Variants in SORBS2 observed in about 807,000 individuals in gnomAD.
SORBS2 encodes the protein sorbin and SH3 domain containing 2, also known as sorbin and SH3 domain-containing protein 2.
In SORBS2, 46 loss-of-function variants were observed where a neutral mutation model predicts 97.7. The ratio of observed to expected loss-of-function variants is 0.47; its 90% CI spans 0.37 to 0.60. SORBS2 has a LOEUF of 0.60. SORBS2 is among the 20% of genes least tolerant of loss of function. The pLI is 0.00. For synonymous variants in SORBS2, 476 were observed against 473.4 expected (o/e 1.01, Z -0.07); for missense variants, 1,316 against 1,282.3 (o/e 1.03, Z -0.40).
chr4:185,639,019 G>C, intron 4 of SORBS2: 2 of 1,517,344 alleles, frequency 1.3e-6, no homozygotes, highest in Non-Finnish European at 1.8e-6. Context: ...AGGTGTCGGA[G>C]TTGTTGGGAG....
At chr4:185,714,907 C>T (rs2153552806) in intron 2 of SORBS2, among the ~76,000 whole-genome samples, 1 of 152,290 alleles carries the variant, frequency 6.6e-6, no homozygotes, top group East Asian at 1.9e-4. Flanking sequence ...AACAGGCATG[C>T]TACCTAAACC....
chr4:185,635,425 C>T lies in SORBS2; in HGVS notation c.397-4827G>A, dbSNP rs200743379. ...CTTTTTAGGAGGCTGGGTGTAGACG[C>T]ACCACAGAAGCAGAAGTGTAGGGAT... is the stretch of plus-strand genomic sequence containing the variant. On this transcript the variant is annotated intron_variant, in intron 4 of 14. Transcript: ENST00000418609. 1.5e-5 allele frequency: 24 copies of T among 1,607,150 alleles called. No individual in the cohort carries two copies. Among genetic ancestry groups the T allele is most frequent in the African/African-American group, 1.3e-5 (1 of 74,698 alleles).
Position 185,627,373 on chromosome 4 carries a change from C to T in SORBS2, c.447-354G>A, listed in dbSNP as rs531305748. Among the ~76,000 whole-genome samples the T allele has an allele frequency of 2.0e-5, 3 of 152,086 alleles. No individual in the cohort carries two copies. In the East Asian group the frequency reaches 5.8e-4, roughly 29 times the overall value. ...CACAGGTGGGTGCCACCTCACCTGGCTAATTTTTTTAAATTTGTTATTTAT... is the reference window on the plus strand; with the variant it reads ...CACAGGTGGGTGCCACCTCACCTGGTTAATTTTTTTAAATTTGTTATTTAT... On this transcript the variant is annotated intron_variant, in intron 5 of 14. Transcript: ENST00000418609.
chr4:185,750,493 A>T (rs903623025), intron 2 of SORBS2, among the ~76,000 whole-genome samples: 1 of 152,194 alleles, frequency 6.6e-6, no homozygotes, highest in African/African-American at 2.4e-5. Context: ...ATTATTACAC[A>T]TGCTGTTCCA....
intron 1 of SORBS2, among the ~76,000 whole-genome samples, chr4:185,945,428 G>A (rs2150011352): frequency 6.6e-6 from 1 of 152,248 alleles, no homozygotes; most frequent in Non-Finnish European, 1.5e-5. Context: ...GTCAAGGGTA[G>A]GCACATTTAA....
chr4:185,862,390 G>C (rs896487287), intron 1 of SORBS2, among the ~76,000 whole-genome samples: 30 of 152,224 alleles, frequency 2.0e-4, no homozygotes, highest in Admixed American at 1.5e-3. Context: ...GAGAGCGACA[G>C]GATATATTTG....
At chr4:185,914,766 C>A (rs898926529) in intron 1 of SORBS2, among the ~76,000 whole-genome samples, 1 of 152,220 alleles carries the variant, frequency 6.6e-6, no homozygotes, top group South Asian at 2.1e-4. Context: ...TCATTCCCTG[C>A]ACGGCCCTTG....
intron 2 of SORBS2, among the ~76,000 whole-genome samples, chr4:185,754,085 T>G (rs1054853334): frequency 6.6e-6 from 1 of 152,160 alleles, no homozygotes; most frequent in African/African-American, 2.4e-5. Context: ...AAAGAAGATA[T>G]GGTATATACA....
chr4:185,800,605 G>A (rs944116462), intron 1 of SORBS2, among the ~76,000 whole-genome samples: 1 of 152,112 alleles, frequency 6.6e-6, no homozygotes, highest in Non-Finnish European at 1.5e-5. Context: ...TTTCTTCTCT[G>A]CTGCTGGTGC....
At chr4:185,919,013 C>T (rs773499069) in intron 1 of SORBS2, among the ~76,000 whole-genome samples, 8 of 152,156 alleles carry the variant, frequency 5.3e-5, no homozygotes, top group Non-Finnish European at 1.2e-4. Context: ...CTTTGTAACT[C>T]TTTAAATTAT....
chr4:185,662,149 C>T lies in SORBS2; in HGVS notation c.49G>A (p.Ala17Thr), dbSNP rs769160276. 5 of 1,614,006 alleles carry T rather than the reference C, an allele frequency of 3.1e-6. No individual in the cohort carries two copies. The African/African-American group carries it at 6.7e-5, about 22-fold the overall frequency. ...ATGACAATGCTGGAGTTGAGTGAGGCTGGGAGAGAATATGCCGAGGGGGAA... is the reference window on the plus strand; with the variant it reads ...ATGACAATGCTGGAGTTGAGTGAGGTTGGGAGAGAATATGCCGAGGGGGAA... Residue 17 changes from alanine to threonine, a missense_variant, in exon 5 of 21, where the codon GCC becomes ACC. Coordinates refer to the SORBS2 transcript ENST00000284776.
At chr4:185,952,601 G>A (rs1226444863) in intron 1 of SORBS2, among the ~76,000 whole-genome samples, 1 of 152,172 alleles carries the variant, frequency 6.6e-6, no homozygotes, top group Non-Finnish European at 1.5e-5. Flanking sequence ...CTTGAATAGG[G>A]AGAGTCTGGA....
At chr4:185,890,533 CT>C (rs1323482527) in intron 1 of SORBS2, among the ~76,000 whole-genome samples, 1 of 152,172 alleles carries the variant, frequency 6.6e-6, no homozygotes, top group Non-Finnish European at 1.5e-5. Flanking sequence ...ACAAGAGAAT[CT>C]TTAAGGCCGC....
intron 1 of SORBS2, among the ~76,000 whole-genome samples, chr4:185,847,915 T>A (rs558875025): frequency 6.6e-6 from 1 of 152,336 alleles, no homozygotes; most frequent in South Asian, 2.1e-4. Flanking sequence ...ATTACAGCTA[T>A]CAGTCCTTTG....
Position 185,631,794 on chromosome 4 carries a change from C to A in SORBS2, c.397-1196G>T, listed in dbSNP as rs551244783. Among the ~76,000 whole-genome samples the A allele has an allele frequency of 4.5e-4, 61 of 134,588 alleles. No individual in the cohort carries two copies. The South Asian group carries it at 7.0e-3, about 16-fold the overall frequency. 88.3% of individuals were successfully genotyped at this position (134,588 alleles called of 152,430 possible). ...ACAAAAACAAAAAACAACAAAAAAA[C>A]AAAACAAAACAAAACAAAACAAAAG... On this transcript the variant is annotated intron_variant, in intron 4 of 14. Coordinates refer to ENST00000418609, the Ensembl canonical transcript of SORBS2.
intron 4 of SORBS2, among the ~76,000 whole-genome samples, chr4:185,634,144 T>C (rs1298319954): frequency 1.3e-5 from 2 of 152,186 alleles, no homozygotes; most frequent in Non-Finnish European, 2.9e-5. Flanking sequence ...TATAAATATT[T>C]TGATCACTTC....
intron 2 of SORBS2, among the ~76,000 whole-genome samples, chr4:185,747,848 G>A (rs577232521): frequency 1.6e-3 from 242 of 152,152 alleles, no homozygotes; most frequent in Non-Finnish European, 2.8e-3. Context: ...AAAATTAGCC[G>A]GGCACGGTGG....
intron 1 of SORBS2, among the ~76,000 whole-genome samples, chr4:185,822,012 C>T (rs543276038): frequency 6.6e-6 from 1 of 152,248 alleles, no homozygotes; most frequent in East Asian, 1.9e-4. Context: ...AAACTGCTGC[C>T]AATGAAATTG....
chr4:185,800,780 T>C (rs2099126526), intron 1 of SORBS2, among the ~76,000 whole-genome samples: 1 of 152,184 alleles, frequency 6.6e-6, no homozygotes, highest in Non-Finnish European at 1.5e-5. Flanking sequence ...CTAGATGTAT[T>C]GAGGTATAAT....
Sources: allele counts gnomAD v4.1 joint callset (sites outside exome capture counted in the v4.1 genomes callset), GRCh38; gene constraint gnomAD v4.1.1; transcripts MANE v1.5; gene names NCBI Gene and HGNC (gene_info 2026-07-23, HGNC 2026-07-21).